VWA7: variants seen among roughly 807,000 people sequenced by gnomAD.
VWA7 encodes the protein von Willebrand factor A domain-containing protein 7.
Under a neutral mutation model 83.1 loss-of-function variants are expected in VWA7, and 66 were observed. That is an observed-to-expected ratio of 0.79 (90% CI 0.65 to 0.98). The LOEUF (loss-of-function observed/expected upper bound fraction) is 0.98. Among genes scored for constraint, VWA7 ranks in the 50% least tolerant of loss-of-function variants. VWA7 has a pLI of 0.00. For missense variants in VWA7, 1,080 were observed against 1,160.2 expected (o/e 0.93, Z 1.00); for synonymous variants, 424 against 488.5 (o/e 0.87, Z 1.74).
At chr6:31,765,837 C>CT (rs1346709497) in intron 16 of VWA7, 46 bp downstream of exon 16, 1 of 1,606,848 alleles carries the variant, frequency 6.2e-7, no homozygotes, top group Non-Finnish European at 8.5e-7. Context: ...CTACACCACC[C>CT]TCCCCGGCCT....
At position 31,772,960 on chromosome 6, in the gene VWA7, C is replaced by A. The variant is rs1395193936; in HGVS notation, c.1081G>T (p.Asp361Tyr). 2 of 1,600,086 alleles carry A rather than the reference C, an allele frequency of 1.2e-6. No homozygotes were observed. The highest frequency in any genetic ancestry group is 2.7e-5 in the African/African-American group (2 of 74,784). ...CTAGCCAGACCACACTTACCTGGGTCATGAAAAGGCACCAGGACATAGTGG... is the reference window on the plus strand; with the variant it reads ...CTAGCCAGACCACACTTACCTGGGTAATGAAAAGGCACCAGGACATAGTGG... The part of the protein sequence containing the change: ...PVHYVLVPFH[D>Y]PGFGPVFTTS... The change falls in exon 7 of 17, where the codon GAC becomes TAC. Residue 361 changes from aspartate to tyrosine, a missense_variant. Coordinates refer to ENST00000375688, the MANE Select transcript of VWA7 (RefSeq NM_025258.3).
chr6:31,767,531 G>A lies in VWA7; in HGVS notation c.1637-17C>T. On this transcript the variant is annotated splice_polypyrimidine_tract_variant and intron_variant, in intron 11 of 16. Coordinates refer to ENST00000375688, the MANE Select transcript of VWA7 (RefSeq NM_025258.3). ...GGGAGACCCCTGGGGTCAGGGAAGA[G>A]ATTGTCACATGAAGCACTTGCTCTC... 1 of 1,603,496 alleles carries A rather than the reference G, an allele frequency of 6.2e-7. No individual in the cohort carries two copies. The highest frequency in any genetic ancestry group is 2.2e-5 in the East Asian group (1 of 44,536).
In VWA7 at chr6:31,773,783, G is replaced by T. The variant is rs1177181319; in HGVS notation, c.722-346C>A. 6.6e-6 allele frequency among the ~76,000 whole-genome samples: 1 copy of T among 152,150 alleles called. No individual in the cohort carries two copies. The highest frequency in any genetic ancestry group is 1.5e-5 in the Non-Finnish European group (1 of 68,032). ...AATAGCTTGATCCCAAGAGGCGGAGGTTGCAGTGAACCGAGATCACGCCAC... is the reference window on the plus strand; with the variant it reads ...AATAGCTTGATCCCAAGAGGCGGAGTTTGCAGTGAACCGAGATCACGCCAC... On this transcript the variant is annotated intron_variant, in intron 5 of 16. Transcript: ENST00000375688. This position sits in a 1 kb window ranked among gnomAD's most constrained non-coding sequence, Gnocchi z 5.3.
rs764170967 is a variant in VWA7, at chr6:31,773,443, T to C, written c.722-6A>G. 118 of 1,577,474 alleles carry C rather than the reference T, an allele frequency of 7.5e-5. No individual in the cohort carries two copies. Among genetic ancestry groups the C allele is most frequent in the Middle Eastern group, 5.0e-4 (3 of 5,950 alleles). On this transcript the variant is annotated splice_polypyrimidine_tract_variant and splice_region_variant and intron_variant, in intron 5 of 16. Coordinates refer to ENST00000375688, the MANE Select transcript of VWA7 (RefSeq NM_025258.3). This position sits in a 1 kb window ranked among gnomAD's most constrained non-coding sequence, Gnocchi z 5.3. ...GCCCCCGTGGCTACATTTCCCTGGG[T>C]TGGGGAAAGGGATCTGGAGAGTGGA... is the stretch of plus-strand genomic sequence containing the variant.
Position 31,766,494 on chromosome 6 carries a change from T to TGAGGGGCAGCCCTGTG in VWA7, c.2137_2152dup (p.Gln718ProfsTer8). 2 of 1,603,892 alleles carry TGAGGGGCAGCCCTGTG rather than the reference T, an allele frequency of 1.2e-6. No homozygotes were observed. The highest frequency in any genetic ancestry group is 1.7e-5 in the Admixed American group (1 of 59,154). On this transcript the variant is annotated frameshift_variant, in exon 14 of 17. Transcript: ENST00000375688. LOFTEE classifies it high-confidence loss of function. The surrounding 1 kb of genome is among the most constrained non-coding windows in gnomAD (Gnocchi z 4.9). Reference sequence around the variant, plus strand: ...AAGGACAGGGACTACAGTGCTAGGCTGAGGGGCAGCCCTGTGCAGGCGCCG... The same window carrying TGAGGGGCAGCCCTGTG: ...AAGGACAGGGACTACAGTGCTAGGCTGAGGGGCAGCCCTGTGGAGGGGCAGCCCTGTGCAGGCGCCG...
At position 31,775,930 on chromosome 6, in the gene VWA7, A is replaced by T; in HGVS notation, c.513+34T>A. ...ATCCCGGACAGGCACGGAAGTGAAG[A>T]CCCCTCTGACCATCAACCCAACCCT... On this transcript the variant is annotated intron_variant, in intron 3 of 16. Coordinates refer to ENST00000375688, the MANE Select transcript of VWA7 (RefSeq NM_025258.3). The surrounding 1 kb of genome is among the most constrained non-coding windows in gnomAD (Gnocchi z 5.9). The T allele has an allele frequency of 6.4e-7, 1 of 1,574,690 alleles. No individual in the cohort carries two copies. The highest frequency in any genetic ancestry group is 1.2e-5 in the South Asian group (1 of 86,674).
At chr6:31,768,890 C>G in intron 10 of VWA7, 128 bp downstream of exon 10, 2 of 1,062,324 alleles carry the variant, frequency 1.9e-6, no homozygotes, top group Non-Finnish European at 2.6e-6. Context: ...GGAAGAGAAA[C>G]TTCCTTTCCT....
Position 31,775,277 on chromosome 6 carries a change from G to C in VWA7, c.610+56C>G, listed in dbSNP as rs145136302. ...ACTTCAGAATGTGACACAGTGGCTG[G>C]GTGGACTGAGGTGGCCCTGTGGACT... On this transcript the variant is annotated intron_variant, in intron 4 of 16. Coordinates refer to ENST00000375688, the MANE Select transcript of VWA7 (RefSeq NM_025258.3). This position sits in a 1 kb window ranked among gnomAD's most constrained non-coding sequence, Gnocchi z 5.9. 2,380 of 1,436,794 alleles carry C rather than the reference G, an allele frequency of 1.7e-3. 33 individuals are homozygous for C. The African/African-American group carries it at 0.026, about 16-fold the overall frequency. 89.0% of individuals were successfully genotyped at this position (1,436,794 alleles called of 1,614,324 possible).
chr6:31,774,603 A>T lies in VWA7; in HGVS notation c.634T>A (p.Cys212Ser). ...AQVADPTCSD[C>S]EELSCPRNWL... ...TTCCTGGGGCAGCTCAACTCCTCGC[A>T]ATCGGAGCAGGTAGGATCGGCCACT... Residue 212 changes from cysteine (C) to serine (S), a missense_variant, in exon 5 of 17, where the codon TGC becomes AGC. Physicochemically the swap from Cys to Ser is moderately radical, Grantham distance 112. Transcript: ENST00000375688. The T allele has an allele frequency of 1.2e-6, 2 of 1,612,796 alleles. No individual in the cohort carries two copies. Among genetic ancestry groups the T allele is most frequent in the Non-Finnish European group, 1.7e-6 (2 of 1,179,932 alleles).
chr6:31,774,528 G>C lies in VWA7; in HGVS notation c.709C>G (p.Pro237Ala), dbSNP rs752329454. The change falls in exon 5 of 17, where the codon CCG becomes GCG. Residue 237 changes from proline (P) to alanine (A), a missense_variant. Physicochemically the swap from Pro to Ala is conservative, Grantham distance 27 (BLOSUM62 -1). Coordinates refer to ENST00000375688, the MANE Select transcript of VWA7 (RefSeq NM_025258.3). ...LTSGYFGTHP[P>A]KPPGKCSHGG... ...TCTTGTCTGGTACCTGGAGGTTTCG[G>C]GGGATGAGTTCCAAAGTAGCCAGAG... 2.5e-6 allele frequency: 4 copies of C among 1,612,738 alleles called. No individual in the cohort carries two copies. Among genetic ancestry groups the C allele is most frequent in the Non-Finnish European group, 3.4e-6 (4 of 1,179,924 alleles).
In VWA7 at chr6:31,775,818, G is replaced by C. The variant is rs1392123755; in HGVS notation, c.513+146C>G. 7.4e-7 allele frequency: 1 copy of C among 1,354,424 alleles called. No homozygotes were observed. Among genetic ancestry groups the C allele is most frequent in the Non-Finnish European group, 1.0e-6 (1 of 1,002,634 alleles). 83.9% of individuals were successfully genotyped at this position (1,354,424 alleles called of 1,614,324 possible). A position where few individuals can be genotyped will look rare whatever the true frequency, so the allele number is the denominator to read the frequency against. ...TGCCAGCTTGGAGGTGGGGAACTGGGACACAGCCTCGGGGCACCGCGTGCC... is the reference window on the plus strand; with the variant it reads ...TGCCAGCTTGGAGGTGGGGAACTGGCACACAGCCTCGGGGCACCGCGTGCC... On this transcript the variant is annotated intron_variant, in intron 3 of 16. Coordinates refer to ENST00000375688, the MANE Select transcript of VWA7 (RefSeq NM_025258.3). This position sits in a 1 kb window ranked among gnomAD's most constrained non-coding sequence, Gnocchi z 5.9.
chr6:31,776,850 C>T lies in VWA7; in HGVS notation c.-15-56G>A. The T allele has an allele frequency of 9.2e-7, 1 of 1,082,470 alleles. No homozygotes were observed. 67.1% of individuals were successfully genotyped at this position (1,082,470 alleles called of 1,614,324 possible). ...GAAGCAGCCGCGATTCCAGGGCAGG[C>T]CGGCTCTGCGGGTCTCCATGGGAAC... On this transcript the variant is annotated intron_variant, in intron 1 of 16. Transcript: ENST00000375688. This position sits in a 1 kb window ranked among gnomAD's most constrained non-coding sequence, Gnocchi z 6.2.
rs1401075817 is a variant in VWA7 at position 31,765,733 on chromosome 6, A to G, written c.2537T>C (p.Ile846Thr). 6.3e-7 allele frequency: 1 copy of G among 1,593,994 alleles called. No homozygotes were observed. The highest frequency in any genetic ancestry group is 8.5e-7 in the Non-Finnish European group (1 of 1,170,564). The change falls in exon 17 of 17, where the codon ATC becomes ACC. Residue 846 changes from isoleucine to threonine, a missense_variant. Ile to Thr is a moderately conservative substitution (Grantham distance 89). Coordinates refer to ENST00000375688, the MANE Select transcript of VWA7 (RefSeq NM_025258.3). Reference protein sequence around the residue: ...HTTPTGSSDPILTTATPAFSP... With the variant: ...HTTPTGSSDPTLTTATPAFSP... The stretch of plus-strand genomic sequence containing the variant: ...AAAGGCAGGGGTGGCCGTGGTGAGG[A>G]TCGGGTCAGATGAGCCGGTAGGGGT...
In VWA7 at chr6:31,774,509, C is replaced by A; in HGVS notation, c.721+7G>T. The A allele has an allele frequency of 6.2e-7, 1 of 1,612,218 alleles. No individual in the cohort carries two copies. ...CCTTACTTCTGGGGAACTTTCTTGT[C>A]TGGTACCTGGAGGTTTCGGGGGATG... On this transcript the variant is annotated splice_region_variant and intron_variant, in intron 5 of 16. Transcript: ENST00000375688.
rs914268619 is a variant in VWA7 at position 31,776,835 on chromosome 6, C to T, written c.-15-41G>A. On this transcript the variant is annotated intron_variant, in intron 1 of 16. Coordinates refer to ENST00000375688, the MANE Select transcript of VWA7 (RefSeq NM_025258.3). This position sits in a 1 kb window ranked among gnomAD's most constrained non-coding sequence, Gnocchi z 6.2. Reference sequence around the variant, plus strand: ...CTCTCAAGGGAGGAGGAAGCAGCCGCGATTCCAGGGCAGGCCGGCTCTGCG... The same window carrying T: ...CTCTCAAGGGAGGAGGAAGCAGCCGTGATTCCAGGGCAGGCCGGCTCTGCG... The T allele has an allele frequency of 6.8e-6, 8 of 1,177,792 alleles. No individual in the cohort carries two copies. The highest frequency in any genetic ancestry group is 6.8e-5 in the Admixed American group (2 of 29,406). 73.0% of individuals were successfully genotyped at this position (1,177,792 alleles called of 1,614,324 possible). A position where few individuals can be genotyped will look rare whatever the true frequency, so the allele number is the denominator to read the frequency against.
chr6:31,776,555 C>T lies in VWA7; in HGVS notation c.225G>A (p.Glu75=), dbSNP rs1350546928. The change falls in exon 2 of 17, where the codon GAG becomes GAA. Residue 75 remains glutamate, a synonymous_variant. Coordinates refer to ENST00000375688, the MANE Select transcript of VWA7 (RefSeq NM_025258.3). The surrounding 1 kb of genome is among the most constrained non-coding windows in gnomAD (Gnocchi z 6.2). ...PPPGRPPLRL[E]DFLGRTLLAD... ...ACCCTGGGATGCTCACCAGGAAGTC[C>T]TCAAGACGAAGAGGGGGGCGGCCTG... 2 of 1,547,360 alleles carry T rather than the reference C, an allele frequency of 1.3e-6. No individual in the cohort carries two copies. The highest frequency in any genetic ancestry group is 4.0e-5 in the Admixed American group (2 of 50,588).
In VWA7 at chr6:31,772,584, C is replaced by CT. The variant is rs9279415; in HGVS notation, c.1087+369dup. Among the ~76,000 whole-genome samples the CT allele has an allele frequency of 6.4e-3, 223 of 35,072 alleles. 16 individuals carry two copies. The highest frequency in any genetic ancestry group is 0.015 in the African/African-American group (114 of 7,382). The allele number at this position is 35,072 out of a possible 152,430, so 23.0% of individuals were successfully genotyped here. ...CTTTTCTTTTTTTTTTCTTTCTTTT[C>CT]TTTTTTTTTTTTTTTTTTTTTTTTT... On this transcript the variant is annotated intron_variant, in intron 7 of 16. Coordinates refer to ENST00000375688, the MANE Select transcript of VWA7 (RefSeq NM_025258.3).
rs1408456003 is a variant in VWA7, at chr6:31,775,953, C to G, written c.513+11G>C. ...AGACCCCTCTGACCATCAACCCAAC[C>G]CTGTTCTCACCTGCAGGGCATGAAG... On this transcript the variant is annotated intron_variant, in intron 3 of 16. Coordinates refer to ENST00000375688, the MANE Select transcript of VWA7 (RefSeq NM_025258.3). This position sits in a 1 kb window ranked among gnomAD's most constrained non-coding sequence, Gnocchi z 5.9. The G allele has an allele frequency of 6.2e-7, 1 of 1,603,442 alleles. No individual in the cohort carries two copies. Among genetic ancestry groups the G allele is most frequent in the Non-Finnish European group, 8.5e-7 (1 of 1,174,800 alleles).
At chr6:31,767,088 A>G (rs1196840475) in intron 13 of VWA7, 70 bp downstream of exon 13, 1 of 343,830 alleles carries the variant, frequency 2.9e-6, no homozygotes, top group African/African-American at 2.2e-5. Context: ...TATATATTAT[A>G]TATTATATAT....
Sources: gnomAD v4.1 joint callset for allele counts (sites outside exome capture counted in the v4.1 genomes callset) on GRCh38, gnomAD v4.1.1 for gene constraint, Gnocchi (gnomAD v3.1) non-coding constraint, MANE v1.5 for transcripts, NCBI Gene and HGNC (gene_info 2026-07-23, HGNC 2026-07-21) for gene names.